GLCE: variants seen among roughly 807,000 people sequenced by gnomAD.
GLCE encodes the protein D-glucuronyl C5-epimerase.
GLCE carries 19 observed loss-of-function variants against 47.9 expected under a neutral mutation model. The observed-to-expected ratio is 0.40, with a 90% CI of 0.28 to 0.58. The LOEUF (loss-of-function observed/expected upper bound fraction) is 0.58, where lower values mean the gene tolerates loss of function less well. GLCE is among the 20% of genes least tolerant of loss of function. The pLI, the probability that GLCE is intolerant of heterozygous loss-of-function variation, is 0.48. For missense variants in GLCE, 556 were observed against 743.3 expected, an observed-to-expected ratio of 0.75 and a Z score of 2.93; for synonymous variants, 245 against 263.4, an observed-to-expected ratio of 0.93 and a Z score of 0.68.
chr15:69,168,787 C>T (rs1426979672), intron 1 of GLCE, among the ~76,000 whole-genome samples: 1 of 152,208 alleles, frequency 6.6e-6, no homozygotes, highest in African/African-American at 2.4e-5. Context: ...CTACCTCGGC[C>T]TCCCAAAGTG....
At chr15:69,248,881 A>G (rs941421787) in intron 2 of GLCE, among the ~76,000 whole-genome samples, 5 of 152,220 alleles carry the variant, frequency 3.3e-5, no homozygotes, top group African/African-American at 4.8e-5. Context: ...CTGGGATTAC[A>G]GGCATGAGCC....
At chr15:69,208,648 A>G (rs1367482505) in intron 1 of GLCE, among the ~76,000 whole-genome samples, 3 of 152,034 alleles carry the variant, frequency 2.0e-5, no homozygotes, top group Admixed American at 6.6e-5. Flanking sequence ...CAGCTTGTCT[A>G]TAACTACAAA....
In GLCE at chr15:69,219,166, C is replaced by A. The variant is rs558626924; in HGVS notation, c.-14+8760C>A. On this transcript the variant is annotated intron_variant, in intron 2 of 4. Coordinates refer to ENST00000261858, the MANE Select transcript of GLCE (RefSeq NM_015554.3). Reference sequence around the variant, plus strand: ...TTAATATTTTTGTTATATTAGCAGTCTTATTGTATACTTAATATAAATTTA... The same window carrying A: ...TTAATATTTTTGTTATATTAGCAGTATTATTGTATACTTAATATAAATTTA... Among the ~76,000 whole-genome samples, 22 of 152,032 alleles carry A rather than the reference C, an allele frequency of 1.4e-4. No individual in the cohort carries two copies. In the South Asian group the frequency reaches 3.1e-3, roughly 22 times the overall value.
At position 69,165,970 on chromosome 15, in the gene GLCE, T is replaced by A. The variant is rs140766274; in HGVS notation, c.-105+5213T>A. ...TTTAAGAAATAAGACTTCTCGCACT[T>A]TAAGAGGTGATGGTTACACTGTTAA... On this transcript the variant is annotated intron_variant, in intron 1 of 4. Transcript: ENST00000261858. Among the ~76,000 whole-genome samples, 139 of 152,318 alleles carry A rather than the reference T, an allele frequency of 9.1e-4. 1 individual carries two copies. Among genetic ancestry groups the A allele is most frequent in the Non-Finnish European group, 5.9e-4 (40 of 68,026 alleles).
intron 2 of GLCE, among the ~76,000 whole-genome samples, chr15:69,241,046 C>G (rs918895167): frequency 6.6e-6 from 1 of 152,210 alleles, no homozygotes. Flanking sequence ...TTTGTACTTT[C>G]TCTTGTTAAA....
chr15:69,215,560 G>C (rs1030129942), intron 2 of GLCE, among the ~76,000 whole-genome samples: 3 of 151,742 alleles, frequency 2.0e-5, no homozygotes, highest in African/African-American at 7.3e-5. Context: ...GTGTGTGTGT[G>C]TGTCTCTGTG....
chr15:69,225,001 T>A (rs2052426113), intron 2 of GLCE, among the ~76,000 whole-genome samples: 1 of 152,166 alleles, frequency 6.6e-6, no homozygotes, highest in Non-Finnish European at 1.5e-5. Flanking sequence ...GTTTTTTGGT[T>A]CCTAATAAAT....
At chr15:69,175,622 G>T (rs565867296) in intron 1 of GLCE, among the ~76,000 whole-genome samples, 2 of 152,110 alleles carry the variant, frequency 1.3e-5, no homozygotes, top group Non-Finnish European at 2.9e-5. Flanking sequence ...TTCATTCCCT[G>T]TACAAAATAC....
At chr15:69,230,118 G>T (rs1408360939) in intron 2 of GLCE, among the ~76,000 whole-genome samples, 1 of 150,984 alleles carries the variant, frequency 6.6e-6, no homozygotes, top group Non-Finnish European at 1.5e-5. Flanking sequence ...TGAGGCAGGA[G>T]AATCGCTTGA....
intron 1 of GLCE, among the ~76,000 whole-genome samples, chr15:69,172,406 T>A (rs1468315357): frequency 6.6e-6 from 1 of 152,170 alleles, no homozygotes; most frequent in South Asian, 2.1e-4. Context: ...ATGGGGTAAG[T>A]GAACTATTAA....
chr15:69,256,932 T>C (rs1024121024), intron 3 of GLCE, among the ~76,000 whole-genome samples: 9 of 152,202 alleles, frequency 5.9e-5, no homozygotes, highest in Admixed American at 5.2e-4. Context: ...TGGATACAAT[T>C]AATATGCTTT....
At chr15:69,229,611 A>G (rs1348031358) in intron 2 of GLCE, among the ~76,000 whole-genome samples, 4 of 152,192 alleles carry the variant, frequency 2.6e-5, no homozygotes, top group Non-Finnish European at 2.9e-5. Flanking sequence ...GGAATTTTTC[A>G]CATAAGTAGA....
chr15:69,192,797 C>T (rs946494343), intron 1 of GLCE, among the ~76,000 whole-genome samples: 1 of 151,996 alleles, frequency 6.6e-6, no homozygotes. Flanking sequence ...AATGCATGGT[C>T]CTTCTGGAGT....
At chr15:69,227,353 G>A (rs1216661616) in intron 2 of GLCE, among the ~76,000 whole-genome samples, 2 of 152,110 alleles carry the variant, frequency 1.3e-5, no homozygotes, top group African/African-American at 4.8e-5. Context: ...TATTAGTGAA[G>A]CCCTATGATA....
chr15:69,207,264 A>G (rs2052165518), intron 1 of GLCE, among the ~76,000 whole-genome samples: 1 of 152,084 alleles, frequency 6.6e-6, no homozygotes, highest in African/African-American at 2.4e-5. Flanking sequence ...ATTTTTTAAA[A>G]TTTGCATACA....
rs142206357 is a variant in GLCE at position 69,161,378 on chromosome 15, G to T, written c.-105+621G>T. 4.7e-3 allele frequency among the ~76,000 whole-genome samples: 711 copies of T among 152,110 alleles called. 7 individuals are homozygous for T. The highest frequency in any genetic ancestry group is 0.016 in the African/African-American group (681 of 41,502). ...CGATGTATCCGTTCCGCTGGGGCCGGGGCCGCCTTGGGGGGTTGTTGGGGG... is the reference window on the plus strand; with the variant it reads ...CGATGTATCCGTTCCGCTGGGGCCGTGGCCGCCTTGGGGGGTTGTTGGGGG... On this transcript the variant is annotated intron_variant, in intron 1 of 4. Transcript: ENST00000261858.
intron 1 of GLCE, among the ~76,000 whole-genome samples, chr15:69,191,317 C>T (rs2051910211): frequency 1.3e-5 from 2 of 151,940 alleles, no homozygotes; most frequent in African/African-American, 4.8e-5. Flanking sequence ...TACTGGGTAC[C>T]AAATTGTAGT....
At chr15:69,212,583 G>A (rs983021366) in intron 2 of GLCE, among the ~76,000 whole-genome samples, 4 of 151,870 alleles carry the variant, frequency 2.6e-5, no homozygotes, top group African/African-American at 9.7e-5. Flanking sequence ...AAGTATATGT[G>A]GCTAGATAAG....
At chr15:69,179,846 G>T (rs2140339095) in intron 1 of GLCE, among the ~76,000 whole-genome samples, 1 of 152,196 alleles carries the variant, frequency 6.6e-6, no homozygotes, top group Non-Finnish European at 1.5e-5. Flanking sequence ...AATTAGCTGG[G>T]CGTGGTGGTG....
Sources: allele counts gnomAD v4.1 joint callset (sites outside exome capture counted in the v4.1 genomes callset), GRCh38; gene constraint gnomAD v4.1.1; transcripts MANE v1.5; gene names NCBI Gene and HGNC (gene_info 2026-07-23, HGNC 2026-07-21).